The following CDC73 variants were observed in gnomAD, a reference collection of about 807,000 sequenced individuals.
CDC73 encodes the protein cell division cycle 73, also known as parafibromin.
CDC73 carries 21 observed loss-of-function variants against 83.7 expected under a neutral mutation model. The observed-to-expected ratio is 0.25, with a 90% confidence interval of 0.18 to 0.36. CDC73 has a LOEUF of 0.36. CDC73 is among the 10% of genes least tolerant of loss of function. The pLI is 1.00. For missense variants in CDC73, 342 were observed against 653.3 expected (o/e 0.52, Z 5.19); for synonymous variants, 224 against 212.9 (o/e 1.05, Z -0.45).
At chr1:193,192,951 C>G (rs972382676) in intron 10 of CDC73, among the ~76,000 whole-genome samples, 1 of 152,220 alleles carries the variant, frequency 6.6e-6, no homozygotes, top group South Asian at 2.1e-4. Context: ...GCTGTTAACT[C>G]AAGGTAAGAG....
At chr1:193,211,304 T>G (rs1677276389) in intron 11 of CDC73, among the ~76,000 whole-genome samples, 1 of 152,196 alleles carries the variant, frequency 6.6e-6, no homozygotes, top group Admixed American at 6.5e-5. Context: ...ACTTTTGCAG[T>G]TTGAGGTACA....
Position 193,180,400 on chromosome 1 carries a change from C to A in CDC73, c.973-23395C>A, listed in dbSNP as rs766299677. 47 of 1,613,910 alleles carry A rather than the reference C, an allele frequency of 2.9e-5. 1 individual carries two copies. Among genetic ancestry groups the A allele is most frequent in the Non-Finnish European group, 3.9e-5 (46 of 1,179,848 alleles). The stretch of plus-strand genomic sequence containing the variant: ...ATGGTTCCAGTATTTTATCAGTTCA[C>A]TAGGCTGGAACTGATGAGAGGTAAT... On this transcript the variant is annotated intron_variant, in intron 10 of 16. Transcript: ENST00000367435.
intron 16 of CDC73, 56 bp downstream of exon 16, chr1:193,249,927 A>T: frequency 6.4e-7 from 1 of 1,570,556 alleles, no homozygotes; most frequent in South Asian, 1.1e-5. Context: ...TTTCTGTCTC[A>T]GTTAAATTTT....
intron 13 of CDC73, among the ~76,000 whole-genome samples, chr1:193,216,370 A>G (rs1482338655): frequency 6.6e-6 from 1 of 152,172 alleles, no homozygotes; most frequent in African/African-American, 2.4e-5. Context: ...GAAACATATA[A>G]TCTCTCAAGA....
chr1:193,177,358 C>CAAAAGAAAAAAAAA (rs1676624185), intron 10 of CDC73, among the ~76,000 whole-genome samples: 1 of 69,544 alleles, frequency 1.4e-5, no homozygotes, highest in Non-Finnish European at 2.6e-5. Context: ...ACTAAAAATA[C>CAAAAGAAAAAAAAA]AAAAAAAAAA....
intron 10 of CDC73, chr1:193,186,247 A>G (rs1156578206): frequency 2.0e-5 from 3 of 151,352 alleles, no homozygotes; most frequent in Non-Finnish European, 2.9e-5. Flanking sequence ...CCTTTCTTTC[A>G]TTTTCTCTCT....
At chr1:193,161,596 A>G (rs1469376103) in intron 10 of CDC73, among the ~76,000 whole-genome samples, 1 of 111,770 alleles carries the variant, frequency 8.9e-6, no homozygotes, top group Non-Finnish European at 1.7e-5. Flanking sequence ...ATAATAGATA[A>G]TATATAATAG....
At chr1:193,169,661 T>C (rs1231941429) in intron 10 of CDC73, among the ~76,000 whole-genome samples, 1 of 152,228 alleles carries the variant, frequency 6.6e-6, no homozygotes, top group Non-Finnish European at 1.5e-5. Flanking sequence ...GAATATTAAA[T>C]GAAACTTGTT....
chr1:193,132,711 T>G (rs553987855), intron 3 of CDC73, among the ~76,000 whole-genome samples: 1 of 151,990 alleles, frequency 6.6e-6, no homozygotes, highest in African/African-American at 2.4e-5. Flanking sequence ...AATAGTGGTT[T>G]TTTTTGTTTG....
intron 13 of CDC73, among the ~76,000 whole-genome samples, chr1:193,224,252 A>G (rs565153999): frequency 1.3e-5 from 2 of 151,734 alleles, no homozygotes; most frequent in Non-Finnish European, 2.9e-5. Context: ...TACTTAGGGG[A>G]TCTGTCATAT....
intron 10 of CDC73, among the ~76,000 whole-genome samples, chr1:193,200,264 A>G (rs1341653600): frequency 6.6e-6 from 1 of 152,146 alleles, no homozygotes; most frequent in Non-Finnish European, 1.5e-5. Flanking sequence ...ACATTTTAAA[A>G]TTAAATATAA....
chr1:193,130,843 C>T (rs530710550), intron 3 of CDC73, among the ~76,000 whole-genome samples: 1 of 152,196 alleles, frequency 6.6e-6, no homozygotes, highest in Non-Finnish European at 1.5e-5. Flanking sequence ...GTTGACCACT[C>T]ATTTTTGAAA....
In CDC73 at chr1:193,194,940, A is replaced by T. The variant is rs147199591; in HGVS notation, c.973-8855A>T. ...TAAATCTCTATATGTGTATGTACAT[A>T]TACACACATATAGATTTAGTATATT... On this transcript the variant is annotated intron_variant, in intron 10 of 16. Transcript: ENST00000367435. Among the ~76,000 whole-genome samples, 198 of 152,236 alleles carry T rather than the reference A, an allele frequency of 1.3e-3. 1 individual carries two copies. The highest frequency in any genetic ancestry group is 4.6e-3 in the African/African-American group (192 of 41,560).
At position 193,203,872 on chromosome 1, in the gene CDC73, C is replaced by T. The variant is rs1269820750; in HGVS notation, c.1030+20C>T. 6.2e-7 allele frequency: 1 copy of T among 1,610,168 alleles called. No individual in the cohort carries two copies. The highest frequency in any genetic ancestry group is 1.1e-5 in the South Asian group (1 of 90,982). ...GACCAGGTAGAAATATAGAACTTTG[C>T]TTTTTGTTTTCTTTCAAAAGATCGT... On this transcript the variant is annotated intron_variant, in intron 11 of 16. Coordinates refer to ENST00000367435, the MANE Select transcript of CDC73 (RefSeq NM_024529.5).
chr1:193,214,186 C>T (rs988756816), intron 13 of CDC73, among the ~76,000 whole-genome samples: 4 of 152,136 alleles, frequency 2.6e-5, no homozygotes, highest in South Asian at 2.1e-4. Context: ...CTTTATTGGT[C>T]GTCAGCATTT....
chr1:193,162,250 A>ATATTATCTATTATATTGTATAT (rs1676344186), intron 10 of CDC73, among the ~76,000 whole-genome samples: 3 of 121,654 alleles, frequency 2.5e-5, no homozygotes, highest in African/African-American at 3.4e-5. Flanking sequence ...AATATATAAT[A>ATATTATCTATTATATTGTATAT]AATATAGTAT....
intron 10 of CDC73, chr1:193,180,382 C>T (rs369173604): frequency 1.2e-6 from 2 of 1,613,268 alleles, no homozygotes; most frequent in Non-Finnish European, 1.7e-6. Context: ...TAAATGGTTC[C>T]AGTATTTTAT....
chr1:193,238,062 A>G (rs962328244), intron 15 of CDC73, among the ~76,000 whole-genome samples: 1 of 152,202 alleles, frequency 6.6e-6, no homozygotes, highest in Admixed American at 6.5e-5. Context: ...TTTAAGATAT[A>G]AATGTTGTAT....
intron 10 of CDC73, among the ~76,000 whole-genome samples, chr1:193,202,240 T>C (rs959763349): frequency 2.0e-5 from 3 of 148,626 alleles, no homozygotes; most frequent in Non-Finnish European, 4.5e-5. Flanking sequence ...TCAGTTCAAC[T>C]AGCTGCAGTG....
Sources: allele counts gnomAD v4.1 joint callset (sites outside exome capture counted in the v4.1 genomes callset), GRCh38; gene constraint gnomAD v4.1.1; transcripts MANE v1.5; gene names NCBI Gene and HGNC (gene_info 2026-07-23, HGNC 2026-07-21).